Variants in ATG2B observed in about 807,000 individuals in gnomAD.
ATG2B encodes autophagy-related protein 2 homolog B.
In ATG2B, 121 loss-of-function variants were observed where a neutral mutation model predicts 241.3. The ratio of observed to expected loss-of-function variants is 0.50; its 90% CI spans 0.43 to 0.58. ATG2B has a LOEUF of 0.58. Among genes scored for constraint, ATG2B ranks in the 20% least tolerant of loss-of-function variants. ATG2B has a pLI of 0.00. For synonymous variants in ATG2B, 858 were observed against 876.6 expected (o/e 0.98, Z 0.37); for missense variants, 2,306 against 2,491.6 (o/e 0.93, Z 1.59).
intron 2 of ATG2B, among the ~76,000 whole-genome samples, chr14:96,346,836 T>C (rs11624919): frequency 0.34 from 51,442 of 152,122 alleles, 9,969 homozygotes; most frequent in Non-Finnish European, 0.44. Flanking sequence ...CACTCAATCC[T>C]GTGTCCCTTT....
intron 14 of ATG2B, among the ~76,000 whole-genome samples, chr14:96,327,629 AAAAGT>A (rs1887619312): frequency 6.6e-6 from 1 of 152,188 alleles, no homozygotes; most frequent in African/African-American, 2.4e-5. Flanking sequence ...GATAGACATG[AAAAGT>A]AAAGGAAACC....
At chr14:96,320,205 C>T (rs118104919) in intron 18 of ATG2B, among the ~76,000 whole-genome samples, 29 of 152,280 alleles carry the variant, frequency 1.9e-4, no homozygotes, top group African/African-American at 6.7e-4. Flanking sequence ...GGACATCTCT[C>T]TAGTAGAGCT....
In ATG2B at chr14:96,329,821, T is replaced by G. The variant is rs56026861; in HGVS notation, c.1731-187A>C. 0.21 allele frequency among the ~76,000 whole-genome samples: 32,670 copies of G among 152,182 alleles called. 4,391 individuals are homozygous for G. The highest frequency in any genetic ancestry group is 0.29 in the Non-Finnish European group (19,408 of 67,980). On this transcript the variant is annotated intron_variant, in intron 11 of 41. Transcript: ENST00000359933. ...TTGATGGGAAATTTTCCAGGATCTG[T>G]TTATTTCCCAACACTGCCCTTCGTC...
At chr14:96,313,188 G>C (rs1887209503) in intron 24 of ATG2B, 31 bp from the exon 25 acceptor site, 1 of 1,504,124 alleles carries the variant, frequency 6.6e-7, no homozygotes, top group African/African-American at 1.4e-5. Flanking sequence ...AAGAACATCA[G>C]TTTGATACGG....
Position 96,283,050 on chromosome 14 carries a change from A to AG in ATG2B, c.*2704dup, listed in dbSNP as rs2139828359. On this transcript the variant is annotated 3_prime_UTR_variant, in exon 42 of 42. Coordinates refer to ENST00000359933, the MANE Select transcript of ATG2B (RefSeq NM_018036.7). Reference sequence around the variant, plus strand: ...CTGAGTTATCTAAAAGGCAATGTTCAGTGGTGGGCAGAAAGGAAGAGAAAA... The same window carrying AG: ...CTGAGTTATCTAAAAGGCAATGTTCAGGTGGTGGGCAGAAAGGAAGAGAAAA... The AG allele has an allele frequency of 6.6e-6, 1 of 152,362 alleles. No individual in the cohort carries two copies. Among genetic ancestry groups the AG allele is most frequent in the South Asian group, 2.1e-4 (1 of 4,826 alleles). The allele number at this position is 152,362 out of a possible 1,614,324, so 9.4% of individuals were successfully genotyped here.
chr14:96,321,962 A>T (rs1887468982), intron 18 of ATG2B, 150 bp downstream of exon 18: 1 of 581,314 alleles, frequency 1.7e-6, no homozygotes, highest in Non-Finnish European at 2.9e-6. Flanking sequence ...ATAGCACATC[A>T]TAACGGCAAT....
chr14:96,325,600 A>G (rs371099244), intron 15 of ATG2B, 49 bp downstream of exon 15: 1 of 1,522,872 alleles, frequency 6.6e-7, no homozygotes, highest in South Asian at 1.3e-5. Flanking sequence ...TTTCAGTAGC[A>G]GTTGTTTGTT....
Position 96,345,403 on chromosome 14 carries a change from T to C in ATG2B, c.326-18A>G. On this transcript the variant is annotated intron_variant, in intron 2 of 41. Transcript: ENST00000359933. ...ACCAGTTGCTGTGGAAAATATAAAT[T>C]AATCCTAAATAATTTCTTAAGAGTT... 6.4e-7 allele frequency: 1 copy of C among 1,560,926 alleles called. No individual in the cohort carries two copies. Among genetic ancestry groups the C allele is most frequent in the Non-Finnish European group, 8.7e-7 (1 of 1,155,800 alleles).
At chr14:96,355,106 GAC>G (rs1476693143) in intron 1 of ATG2B, among the ~76,000 whole-genome samples, 2 of 152,138 alleles carry the variant, frequency 1.3e-5, no homozygotes, top group Non-Finnish European at 2.9e-5. Flanking sequence ...TCATTCTGAT[GAC>G]AGTTTCTTTT....
intron 1 of ATG2B, among the ~76,000 whole-genome samples, chr14:96,351,693 G>A (rs1595334911): frequency 6.7e-6 from 1 of 149,892 alleles, no homozygotes; most frequent in Non-Finnish European, 1.5e-5. Flanking sequence ...CCGAAATCGC[G>A]CCACTGCACT....
intron 11 of ATG2B, among the ~76,000 whole-genome samples, chr14:96,329,987 A>G (rs908195510): frequency 1.9e-4 from 29 of 151,484 alleles, no homozygotes; most frequent in Admixed American, 1.4e-3. Context: ...AGGTCTACCT[A>G]TATTTTCTGC....
rs35331211 is a variant in ATG2B at position 96,351,901 on chromosome 14, CAAAAA to C, written c.163-4565_163-4561del. 2.3e-5 allele frequency among the ~76,000 whole-genome samples: 3 copies of C among 130,842 alleles called. No individual in the cohort carries two copies. The East Asian group carries it at 6.9e-4, about 30-fold the overall frequency. 85.8% of individuals were successfully genotyped at this position (130,842 alleles called of 152,430 possible). A position where few individuals can be genotyped will look rare whatever the true frequency, so the allele number is the denominator to read the frequency against. Reference sequence around the variant, plus strand: ...TGGGTGACACAGCAAGACCTTGTCTCAAAAAAAAAAAAAAGAAAAAAAAATTTTTA... The same window carrying C: ...TGGGTGACACAGCAAGACCTTGTCTCAAAAAAAAAGAAAAAAAAATTTTTA... On this transcript the variant is annotated intron_variant, in intron 1 of 41. Transcript: ENST00000359933.
At chr14:96,344,977 G>A (rs1035342302) in intron 3 of ATG2B, among the ~76,000 whole-genome samples, 13 of 151,442 alleles carry the variant, frequency 8.6e-5, no homozygotes, top group African/African-American at 2.9e-4. Flanking sequence ...TTGGGACAAC[G>A]ACTAACACTA....
intron 5 of ATG2B, among the ~76,000 whole-genome samples, chr14:96,342,073 T>C (rs1183039737): frequency 6.6e-6 from 1 of 152,218 alleles, no homozygotes; most frequent in Non-Finnish European, 1.5e-5. Flanking sequence ...GGAAGGGATT[T>C]AACAGAGTTC....
Position 96,363,036 on chromosome 14 carries a change from G to T in ATG2B, c.-60C>A. ...GGGTTGCGACGGCTCCGGCCTCGGGGTAGCGACTCCGGCTCCAGGCCGCGG... is the reference window on the plus strand; with the variant it reads ...GGGTTGCGACGGCTCCGGCCTCGGGTTAGCGACTCCGGCTCCAGGCCGCGG... On this transcript the variant is annotated 5_prime_UTR_variant, in exon 1 of 42. Coordinates refer to ENST00000359933, the MANE Select transcript of ATG2B (RefSeq NM_018036.7). 1.9e-6 allele frequency: 3 copies of T among 1,599,324 alleles called. No homozygotes were observed. Among genetic ancestry groups the T allele is most frequent in the Non-Finnish European group, 2.6e-6 (3 of 1,170,944 alleles).
At position 96,362,906 on chromosome 14, in the gene ATG2B, T is replaced by A; in HGVS notation, c.71A>T (p.His24Leu). The change falls in exon 1 of 42, where the codon CAC (histidine) becomes CTC (leucine). Residue 24 changes from histidine to leucine, a missense_variant. Physicochemically the swap from His to Leu is moderately conservative, Grantham distance 99 (BLOSUM62 -3). Coordinates refer to ENST00000359933, the MANE Select transcript of ATG2B (RefSeq NM_018036.7). ...CAGGCTCAGCTTCTCCTGCAGAAAG[T>A]GGCCCAGGTACCTCTGCAGGAGGTA... Reference protein sequence around the residue: ...CRYLLQRYLGHFLQEKLSLEQ... With the variant: ...CRYLLQRYLGLFLQEKLSLEQ... The A allele has an allele frequency of 3.1e-6, 5 of 1,613,666 alleles. No homozygotes were observed. The highest frequency in any genetic ancestry group is 4.2e-6 in the Non-Finnish European group (5 of 1,180,004).
rs200062396 is a variant in ATG2B at position 96,347,163 on chromosome 14, C to T, written c.325+16G>A. 21 of 1,554,228 alleles carry T rather than the reference C, an allele frequency of 1.4e-5. No individual in the cohort carries two copies. The highest frequency in any genetic ancestry group is 2.7e-5 in the African/African-American group (2 of 73,998). ...AGAATAAAAACACATAAAACAGAAACATACAACACACCAACCTGGGCGAGG... is the reference window on the plus strand; with the variant it reads ...AGAATAAAAACACATAAAACAGAAATATACAACACACCAACCTGGGCGAGG... On this transcript the variant is annotated intron_variant, in intron 2 of 41. Transcript: ENST00000359933.
intron 16 of ATG2B, among the ~76,000 whole-genome samples, chr14:96,323,032 T>G (rs1887498993): frequency 1.3e-5 from 2 of 152,204 alleles, no homozygotes; most frequent in South Asian, 4.1e-4. Flanking sequence ...TACCTAAGGA[T>G]TCTAGTTATC....
intron 21 of ATG2B, 26 bp from the exon 22 acceptor site, chr14:96,315,609 T>C (rs1887289065): frequency 1.3e-6 from 2 of 1,569,460 alleles, no homozygotes; most frequent in Non-Finnish European, 1.7e-6. Context: ...GAGGTAAAAA[T>C]AGTAACAAAA....
Sources: gnomAD v4.1 joint callset for allele counts (sites outside exome capture counted in the v4.1 genomes callset) on GRCh38, gnomAD v4.1.1 for gene constraint, MANE v1.5 for transcripts, NCBI Gene and HGNC (gene_info 2026-07-23, HGNC 2026-07-21) for gene names.